TRAK1: variants seen among roughly 807,000 people sequenced by gnomAD.
TRAK1 encodes trafficking kinesin-binding protein 1.
In TRAK1, 33 loss-of-function variants were observed where a neutral mutation model predicts 92.1. That is an observed-to-expected ratio of 0.36 (90% CI 0.27 to 0.48). TRAK1 has a LOEUF of 0.48. Ranked by LOEUF, TRAK1 falls within the 20% of genes least tolerant of loss-of-function variation. The pLI, the probability that TRAK1 is intolerant of heterozygous loss-of-function variation, is 0.99. For synonymous variants in TRAK1, 521 were observed against 517.3 expected, an observed-to-expected ratio of 1.01 and a Z score of -0.10; for missense variants, 1,123 against 1,257.9, an observed-to-expected ratio of 0.89 and a Z score of 1.62.
intron 3 of TRAK1, among the ~76,000 whole-genome samples, chr3:42,184,108 A>C (rs975242539): frequency 6.6e-6 from 1 of 152,212 alleles, no homozygotes; most frequent in Non-Finnish European, 1.5e-5. Flanking sequence ...AAAAAAACAG[A>C]AAAGCATGTA....
At chr3:42,186,455 T>G (rs936463733) in intron 4 of TRAK1, among the ~76,000 whole-genome samples, 2 of 152,180 alleles carry the variant, frequency 1.3e-5, no homozygotes, top group African/African-American at 4.8e-5. Context: ...GTAAGAAAAG[T>G]TTTAATCCTG....
At chr3:42,117,634 C>G (rs1025788163) in intron 1 of TRAK1, among the ~76,000 whole-genome samples, 1 of 152,152 alleles carries the variant, frequency 6.6e-6, no homozygotes, top group Non-Finnish European at 1.5e-5. Flanking sequence ...GGTCCCTGTT[C>G]TCCTGGGCTT....
intron 1 of TRAK1, among the ~76,000 whole-genome samples, chr3:42,057,994 C>A (rs1465007703): frequency 2.0e-5 from 3 of 152,192 alleles, no homozygotes; most frequent in Admixed American, 6.5e-5. Flanking sequence ...ACTCAAATAT[C>A]ATTTCCTCCT....
chr3:42,212,704 TATC>T lies in TRAK1; in HGVS notation c.1963+2723_1963+2725del, dbSNP rs1369762477. 7.0e-6 allele frequency: 3 copies of T among 428,700 alleles called. No homozygotes were observed. In the East Asian group the frequency reaches 4.7e-4, roughly 67 times the overall value. 26.6% of individuals were successfully genotyped at this position (428,700 alleles called of 1,614,324 possible). ...GAAAGTATACTTTATCAGAACTAGT[TATC>T]ATCTTTTTCTGTCAGTACTCTGTAT... On this transcript the variant is annotated intron_variant, in intron 14 of 15. Coordinates refer to ENST00000327628, the MANE Select transcript of TRAK1 (RefSeq NM_001042646.3).
At chr3:42,026,350 A>G (rs977875826) in intron 1 of TRAK1, among the ~76,000 whole-genome samples, 1 of 151,916 alleles carries the variant, frequency 6.6e-6, no homozygotes, top group Non-Finnish European at 1.5e-5. Flanking sequence ...CTGCCTCTTC[A>G]CTCCTCTGGC....
chr3:42,114,510 A>T (rs1708908294), intron 1 of TRAK1, among the ~76,000 whole-genome samples: 1 of 152,212 alleles, frequency 6.6e-6, no homozygotes, highest in Admixed American at 6.5e-5. Context: ...TACTGGTTTA[A>T]GGATCATGGA....
chr3:42,214,275 A>G (rs1709408878), intron 14 of TRAK1, among the ~76,000 whole-genome samples: 1 of 152,158 alleles, frequency 6.6e-6, no homozygotes, highest in Admixed American at 6.5e-5. Context: ...CTGTGCAACC[A>G]CACTGCCTAG....
At chr3:42,063,286 C>G (rs780841227) in intron 1 of TRAK1, among the ~76,000 whole-genome samples, 2 of 152,236 alleles carry the variant, frequency 1.3e-5, no homozygotes, top group African/African-American at 4.8e-5. Flanking sequence ...TTTGCCAAGC[C>G]CTGCCCTAAG....
At chr3:42,220,107 GCA>G (rs1389432599) in intron 15 of TRAK1, among the ~76,000 whole-genome samples, 1 of 152,102 alleles carries the variant, frequency 6.6e-6, no homozygotes, top group African/African-American at 2.4e-5. Context: ...TGTCAGTAGA[GCA>G]CAGAGTTCTT....
intron 1 of TRAK1, among the ~76,000 whole-genome samples, chr3:42,021,501 G>A (rs1224159300): frequency 6.6e-6 from 1 of 152,142 alleles, no homozygotes; most frequent in East Asian, 1.9e-4. Flanking sequence ...TAAGATTGTT[G>A]CTTAGGTGTG....
intron 15 of TRAK1, among the ~76,000 whole-genome samples, chr3:42,222,419 T>C (rs1305174707): frequency 6.6e-6 from 1 of 152,196 alleles, no homozygotes; most frequent in Non-Finnish European, 1.5e-5. Context: ...CCTCAGTCCA[T>C]GCACTGTGGC....
chr3:42,129,197 T>C (rs1317962000), intron 2 of TRAK1, among the ~76,000 whole-genome samples: 3 of 152,188 alleles, frequency 2.0e-5, no homozygotes. Flanking sequence ...TTTACACGTG[T>C]GTAACCCTGG....
At chr3:42,064,022 A>C (rs1282240580) in intron 1 of TRAK1, among the ~76,000 whole-genome samples, 4 of 152,204 alleles carry the variant, frequency 2.6e-5, no homozygotes, top group Non-Finnish European at 1.5e-5. Context: ...AATTATATCC[A>C]CGTGAGAGAG....
intron 1 of TRAK1, among the ~76,000 whole-genome samples, chr3:42,050,804 T>C (rs1373332285): frequency 6.6e-6 from 1 of 152,082 alleles, no homozygotes; most frequent in Non-Finnish European, 1.5e-5. Flanking sequence ...ATTACAGGCC[T>C]GTGCCACCGC....
In TRAK1 at chr3:42,200,982, GCGACATAGGCAACGTCGTCCT is replaced by G; in HGVS notation, c.1361_1381del (p.Ile454_Asp460del). On this transcript the variant is annotated inframe_deletion, in exon 12 of 16. Coordinates refer to ENST00000327628, the MANE Select transcript of TRAK1 (RefSeq NM_001042646.3). ...ACCCCCCGGTCCAGCTTCTACGGCAGCGACATAGGCAACGTCGTCCTCGACAACAAGACCAACAGCATCATT... is the reference window on the plus strand; with the variant it reads ...ACCCCCCGGTCCAGCTTCTACGGCAGCGACAACAAGACCAACAGCATCATT... 6.2e-7 allele frequency: 1 copy of G among 1,614,212 alleles called. No individual in the cohort carries two copies. Among genetic ancestry groups the G allele is most frequent in the Non-Finnish European group, 8.5e-7 (1 of 1,180,046 alleles).
At chr3:42,046,099 C>G (rs184738294) in intron 1 of TRAK1, among the ~76,000 whole-genome samples, 150 of 152,268 alleles carry the variant, frequency 9.9e-4, no homozygotes, top group African/African-American at 3.5e-3. Flanking sequence ...GAGAATGACT[C>G]TCTTCACCCT....
intron 1 of TRAK1, among the ~76,000 whole-genome samples, chr3:42,061,109 CTTTG>C (rs769633577): frequency 2.0e-5 from 3 of 152,040 alleles, no homozygotes; most frequent in Non-Finnish European, 4.4e-5. Context: ...TTAAAAAGTT[CTTTG>C]TTATGGTATA....
chr3:42,115,012 C>T (rs1385465119), intron 1 of TRAK1, among the ~76,000 whole-genome samples: 1 of 152,118 alleles, frequency 6.6e-6, no homozygotes, highest in East Asian at 1.9e-4. Flanking sequence ...TGTGCCCAGC[C>T]AACATATGCT....
At chr3:42,067,593 G>T (rs1246885834) in intron 1 of TRAK1, among the ~76,000 whole-genome samples, 1 of 150,662 alleles carries the variant, frequency 6.6e-6, no homozygotes, top group African/African-American at 2.5e-5. Flanking sequence ...GCTTAGATGA[G>T]ATTTTTTTTT....
Sources: gnomAD v4.1 joint callset for allele counts (sites outside exome capture counted in the v4.1 genomes callset) on GRCh38, gnomAD v4.1.1 for gene constraint, MANE v1.5 for transcripts, NCBI Gene and HGNC (gene_info 2026-07-23, HGNC 2026-07-21) for gene names.